SFMBT2: variants seen among roughly 807,000 people sequenced by gnomAD.
SFMBT2 encodes Scm like with four mbt domains 2, also known as scm-like with four MBT domains protein 2.
SFMBT2 carries 38 observed loss-of-function variants against 110.1 expected under a neutral mutation model. The ratio of observed to expected loss-of-function variants is 0.35; its 90% confidence interval spans 0.27 to 0.45. The LOEUF is 0.45. SFMBT2 is among the 20% of genes least tolerant of loss of function. SFMBT2 has a pLI of 1.00. For missense variants in SFMBT2, 1,011 were observed against 1,094.9 expected (o/e 0.92, Z 1.08); for synonymous variants, 425 against 425.4 (o/e 1.00, Z 0.01).
intron 14 of SFMBT2, chr10:7,198,224 G>A: frequency 1.2e-6 from 1 of 843,050 alleles, no homozygotes; most frequent in Non-Finnish European, 1.4e-6. Flanking sequence ...GTTGGTAAAT[G>A]CGGATCTAGA....
intron 2 of SFMBT2, among the ~76,000 whole-genome samples, chr10:7,379,429 G>GT (rs201865147): frequency 9.7e-6 from 1 of 103,538 alleles, no homozygotes; most frequent in African/African-American, 3.1e-5. Context: ...CTAGATTTTA[G>GT]TAAAAAAAAA....
intron 4 of SFMBT2, among the ~76,000 whole-genome samples, chr10:7,317,970 G>A (rs1389480354): frequency 6.6e-6 from 1 of 152,080 alleles, no homozygotes; most frequent in African/African-American, 2.4e-5. Context: ...CCACAACTTG[G>A]GACAGTCTAA....
chr10:7,209,266 C>G (rs756009282), intron 11 of SFMBT2, among the ~76,000 whole-genome samples: 6 of 152,212 alleles, frequency 3.9e-5, no homozygotes, highest in Non-Finnish European at 7.3e-5. Flanking sequence ...GCTGAATGTT[C>G]CACTGAAGAC....
At chr10:7,204,572 C>T in intron 12 of SFMBT2, 5 of 852,714 alleles carry the variant, frequency 5.9e-6, no homozygotes, top group Non-Finnish European at 7.1e-6. Context: ...CAATAACCTA[C>T]AAAAATATGT....
chr10:7,204,232 T>C (rs1016194712), intron 12 of SFMBT2: 1 of 519,334 alleles, frequency 1.9e-6, no homozygotes, highest in Non-Finnish European at 2.5e-6. Context: ...ACACATAATG[T>C]CCTCTGGTGC....
intron 10 of SFMBT2, among the ~76,000 whole-genome samples, chr10:7,225,991 A>C (rs1426156410): frequency 6.6e-6 from 1 of 152,202 alleles, no homozygotes; most frequent in Non-Finnish European, 1.5e-5. Flanking sequence ...AACCAGCTGC[A>C]GTCCTCATGG....
chr10:7,257,322 G>A (rs1487542182), intron 7 of SFMBT2, among the ~76,000 whole-genome samples: 6 of 152,038 alleles, frequency 3.9e-5, no homozygotes, highest in Non-Finnish European at 8.8e-5. Flanking sequence ...CACTACCCAC[G>A]GTCACCCACC....
At chr10:7,209,446 G>A (rs972246963) in intron 11 of SFMBT2, among the ~76,000 whole-genome samples, 1 of 152,184 alleles carries the variant, frequency 6.6e-6, no homozygotes, top group South Asian at 2.1e-4. Context: ...CAGAACCTTC[G>A]TCTCAAAAAC....
intron 6 of SFMBT2, 98 bp from the exon 7 acceptor site, chr10:7,277,087 A>G (rs1841804954): frequency 1.4e-6 from 1 of 735,242 alleles, no homozygotes; most frequent in African/African-American, 1.7e-5. Flanking sequence ...CTGATACCTC[A>G]GCACGGTCAG....
intron 16 of SFMBT2, among the ~76,000 whole-genome samples, chr10:7,182,421 T>A (rs1419989785): frequency 2.0e-5 from 3 of 152,124 alleles, no homozygotes; most frequent in African/African-American, 7.2e-5. Context: ...ACAAACAGCA[T>A]ACCAATGACA....
chr10:7,242,562 T>C (rs1840467416), intron 9 of SFMBT2, among the ~76,000 whole-genome samples: 1 of 152,220 alleles, frequency 6.6e-6, no homozygotes, highest in African/African-American at 2.4e-5. Context: ...ACTCCATGAC[T>C]GCACAACTTT....
At chr10:7,211,085 C>T (rs989903978) in intron 11 of SFMBT2, among the ~76,000 whole-genome samples, 2 of 152,056 alleles carry the variant, frequency 1.3e-5, no homozygotes, top group Non-Finnish European at 2.9e-5. Context: ...ATCCAGCGGC[C>T]GGCAAGTGGC....
At chr10:7,175,550 G>A (rs1245642822) in intron 17 of SFMBT2, among the ~76,000 whole-genome samples, 2 of 152,166 alleles carry the variant, frequency 1.3e-5, no homozygotes, top group Non-Finnish European at 1.5e-5. Flanking sequence ...ATGAGAAGCC[G>A]ATTATGACAA....
chr10:7,171,516 T>A lies in SFMBT2; in HGVS notation c.2415+379A>T, dbSNP rs112077978. On this transcript the variant is annotated intron_variant, in intron 19 of 20. Coordinates refer to ENST00000397167, the MANE Select transcript of SFMBT2 (RefSeq NM_001387889.1). The surrounding 1 kb of genome is among the most constrained non-coding windows in gnomAD (Gnocchi z 4.9). ...AACACTGATTAAATATTTTAAAACA[T>A]CACAGAGGTGTCCTATAGAGGGGAC... 1.0e-6 allele frequency: 1 copy of A among 985,360 alleles called. No homozygotes were observed. Among genetic ancestry groups the A allele is most frequent in the Non-Finnish European group, 1.2e-6 (1 of 829,918 alleles). 61.0% of individuals were successfully genotyped at this position (985,360 alleles called of 1,614,324 possible). A position where few individuals can be genotyped will look rare whatever the true frequency, so the allele number is the denominator to read the frequency against.
rs1564361190 is a variant in SFMBT2, at chr10:7,163,992, G to A, written c.2545-82C>T. ...TGCGTCACAGCAGGCTCCAGTCCGG[G>A]GCCAAACATGACAACAGGATGCTCT... On this transcript the variant is annotated intron_variant, in intron 20 of 20. Transcript: ENST00000397167. The surrounding 1 kb of genome is among the most constrained non-coding windows in gnomAD (Gnocchi z 4.8). 6.7e-7 allele frequency: 1 copy of A among 1,494,814 alleles called. No homozygotes were observed. Among genetic ancestry groups the A allele is most frequent in the Admixed American group, 2.3e-5 (1 of 44,150 alleles). 92.6% of individuals were successfully genotyped at this position (1,494,814 alleles called of 1,614,324 possible). A position where few individuals can be genotyped will look rare whatever the true frequency, so the allele number is the denominator to read the frequency against.
chr10:7,402,381 A>G (rs1167952014), intron 1 of SFMBT2, among the ~76,000 whole-genome samples: 1 of 152,184 alleles, frequency 6.6e-6, no homozygotes, highest in African/African-American at 2.4e-5. Flanking sequence ...CCATCGCAGG[A>G]AAAATCAAAT....
chr10:7,233,290 G>A lies in SFMBT2; in HGVS notation c.1121-5353C>T, dbSNP rs541710057. On this transcript the variant is annotated intron_variant, in intron 9 of 20. Coordinates refer to ENST00000397167, the MANE Select transcript of SFMBT2 (RefSeq NM_001387889.1). ...CCACTGTAGATGTCAATTTGGTAAC[G>A]TGTCAAAATCCTCAGGCTCCAGCGA... Among the ~76,000 whole-genome samples the A allele has an allele frequency of 2.6e-4, 40 of 152,246 alleles. No individual in the cohort carries two copies. The South Asian group carries it at 7.3e-3, about 28-fold the overall frequency.
chr10:7,259,523 C>T (rs1841132083), intron 7 of SFMBT2, among the ~76,000 whole-genome samples: 1 of 152,236 alleles, frequency 6.6e-6, no homozygotes, highest in African/African-American at 2.4e-5. Context: ...GGGGTCTATC[C>T]ACTAGATGCT....
At chr10:7,233,235 T>C (rs1273765791) in intron 9 of SFMBT2, among the ~76,000 whole-genome samples, 1 of 152,180 alleles carries the variant, frequency 6.6e-6, no homozygotes, top group African/African-American at 2.4e-5. Context: ...CGTTTTTATG[T>C]GTTTGTGGTG....
Sources: gnomAD v4.1 joint callset for allele counts (sites outside exome capture counted in the v4.1 genomes callset) on GRCh38, gnomAD v4.1.1 for gene constraint, Gnocchi (gnomAD v3.1) non-coding constraint, MANE v1.5 for transcripts, NCBI Gene and HGNC (gene_info 2026-07-23, HGNC 2026-07-21) for gene names.